The following EGFR variants were observed in gnomAD, a reference collection of about 807,000 sequenced individuals.
EGFR encodes avian erythroblastic leukemia viral (v-erb-b) oncogene homolog.
In EGFR, 58 loss-of-function variants were observed where a neutral mutation model predicts 143.0. That is an observed-to-expected ratio of 0.41 (90% confidence interval 0.33 to 0.50). The LOEUF (loss-of-function observed/expected upper bound fraction) is 0.50, where lower values mean the gene tolerates loss of function less well. EGFR is among the 20% of genes least tolerant of loss of function. EGFR has a pLI of 0.39. For synonymous variants in EGFR, 613 were observed against 594.4 expected (o/e 1.03, Z -0.45); for missense variants, 1,307 against 1,579.0 (o/e 0.83, Z 2.92).
intron 1 of EGFR, among the ~76,000 whole-genome samples, chr7:55,131,378 A>C (rs1793823306): frequency 6.6e-6 from 1 of 152,090 alleles, no homozygotes; most frequent in South Asian, 2.1e-4. Context: ...TGTTTCTATA[A>C]CTTGAAAAAA....
At chr7:55,022,194 T>G (rs1212937455) in intron 1 of EGFR, among the ~76,000 whole-genome samples, 4 of 151,988 alleles carry the variant, frequency 2.6e-5, no homozygotes, top group Non-Finnish European at 4.4e-5. Flanking sequence ...GCTTGAGGGG[T>G]GCTGAGCAAA....
chr7:55,171,316 C>A, intron 16 of EGFR, 103 bp downstream of exon 16: 1 of 1,520,470 alleles, frequency 6.6e-7, no homozygotes, highest in South Asian at 1.1e-5. Flanking sequence ...CTGTCCTGAT[C>A]AAGTTTCTAT....
intron 1 of EGFR, among the ~76,000 whole-genome samples, chr7:55,139,052 C>G (rs1297646597): frequency 6.6e-6 from 1 of 152,170 alleles, no homozygotes; most frequent in Non-Finnish European, 1.5e-5. Flanking sequence ...CTCTCATGAC[C>G]TAATTATAAT....
rs2128952697 is a variant in EGFR, at chr7:55,173,113, C to G, written c.2050C>G (p.Gln684Glu). 4 of 1,610,798 alleles carry G rather than the reference C, an allele frequency of 2.5e-6. No homozygotes were observed. Among genetic ancestry groups the G allele is most frequent in the Non-Finnish European group, 2.5e-6 (3 of 1,179,958 alleles). ...VRKRTLRRLLQERELVEPLTP... is the reference protein window; with the variant it reads ...VRKRTLRRLLEERELVEPLTP... ...GAAGCGCACGCTGCGGAGGCTGCTGCAGGAGAGGGAGGTGAGTGCCAGTCC... is the reference window on the plus strand; with the variant it reads ...GAAGCGCACGCTGCGGAGGCTGCTGGAGGAGAGGGAGGTGAGTGCCAGTCC... Residue 684 changes from glutamine to glutamate, a missense_variant, in exon 17 of 28, where the codon CAG becomes GAG. By Grantham distance (29) the Gln-to-Glu change is conservative. Transcript: ENST00000275493.
intron 1 of EGFR, among the ~76,000 whole-genome samples, chr7:55,117,315 G>C (rs1397054193): frequency 2.0e-5 from 3 of 152,158 alleles, no homozygotes; most frequent in African/African-American, 7.2e-5. Context: ...TTGAATGCAG[G>C]CAAGAAAAGA....
intron 1 of EGFR, among the ~76,000 whole-genome samples, chr7:55,033,465 C>G (rs1325766044): frequency 1.3e-5 from 2 of 152,162 alleles, no homozygotes; most frequent in Non-Finnish European, 2.9e-5. Flanking sequence ...CTGAGCAATG[C>G]CTGTGGGTGT....
At chr7:55,172,437 A>G (rs1013088665) in intron 16 of EGFR, among the ~76,000 whole-genome samples, 2 of 151,982 alleles carry the variant, frequency 1.3e-5, no homozygotes, top group Non-Finnish European at 2.9e-5. Flanking sequence ...TCTGAATCCT[A>G]TTCCTTTATA....
chr7:55,170,746 G>A, intron 15 of EGFR: 12 of 1,465,034 alleles, frequency 8.2e-6, no homozygotes, highest in Non-Finnish European at 1.1e-5. Context: ...TCAAAGCACA[G>A]AATTTGTCAG....
At chr7:55,101,658 G>A (rs1791835804) in intron 1 of EGFR, among the ~76,000 whole-genome samples, 1 of 152,210 alleles carries the variant, frequency 6.6e-6, no homozygotes, top group African/African-American at 2.4e-5. Context: ...TATGAAACAG[G>A]TTAGCCACAC....
intron 24 of EGFR, chr7:55,200,683 A>G (rs888538924): frequency 1.8e-6 from 1 of 552,106 alleles, no homozygotes. Flanking sequence ...CCAAAGCCTC[A>G]GCTGGGTCTA....
Position 55,205,355 on chromosome 7 carries a change from A to G in EGFR, c.3371A>G (p.His1124Arg), listed in dbSNP as rs1788066890. The G allele has an allele frequency of 1.9e-6, 3 of 1,613,124 alleles. No individual in the cohort carries two copies. The highest frequency in any genetic ancestry group is 1.1e-5 in the South Asian group (1 of 91,028). ...AACCCCGCGCCCAGCAGAGACCCAC[A>G]CTACCAGGACCCCCACAGCACTGCA... ...PLNPAPSRDP[H>R]YQDPHSTAVG... Residue 1124 changes from histidine to arginine, a missense_variant, in exon 28 of 28, where the codon CAC becomes CGC. Transcript: ENST00000275493.
intron 1 of EGFR, among the ~76,000 whole-genome samples, chr7:55,025,896 C>T (rs559688937): frequency 1.1e-4 from 16 of 152,156 alleles, no homozygotes; most frequent in Non-Finnish European, 2.2e-4. Context: ...TGCAAATACT[C>T]GGAATGGGGA....
At chr7:55,171,054 G>A (rs1786326286) in intron 15 of EGFR, 121 bp from the exon 16 acceptor site, 1 of 1,534,432 alleles carries the variant, frequency 6.5e-7, no homozygotes. Flanking sequence ...GACACATAGT[G>A]ATTTTAATTA....
intron 4 of EGFR, 116 bp from the exon 5 acceptor site, chr7:55,151,178 A>G (rs755350845): frequency 1.2e-5 from 12 of 1,037,852 alleles, no homozygotes; most frequent in Non-Finnish European, 1.5e-5. Flanking sequence ...CAATCAGAGA[A>G]TAAGTTGAAA....
intron 15 of EGFR, chr7:55,170,568 T>TC: frequency 6.2e-7 from 1 of 1,611,736 alleles, no homozygotes. Context: ...ACGTGTCTGT[T>TC]CCCCCCGCTT....
intron 22 of EGFR, among the ~76,000 whole-genome samples, chr7:55,196,944 A>C (rs1160540966): frequency 6.6e-6 from 1 of 152,138 alleles, no homozygotes; most frequent in East Asian, 1.9e-4. Flanking sequence ...AGGTAGCATC[A>C]TGCTTCCAGC....
At chr7:55,032,916 G>A (rs140170408) in intron 1 of EGFR, among the ~76,000 whole-genome samples, 73 of 152,252 alleles carry the variant, frequency 4.8e-4, no homozygotes, top group African/African-American at 1.6e-3. Context: ...GACTCACCAC[G>A]CTGGAAGTCA....
intron 1 of EGFR, among the ~76,000 whole-genome samples, chr7:55,056,643 G>A (rs1237772040): frequency 6.6e-6 from 1 of 152,156 alleles, no homozygotes. Context: ...TAGTCTATTT[G>A]TCTCTCAGTC....
intron 1 of EGFR, among the ~76,000 whole-genome samples, chr7:55,139,389 A>T (rs1584135653): frequency 6.6e-6 from 1 of 152,280 alleles, no homozygotes; most frequent in East Asian, 1.9e-4. Context: ...ATTGCTTTAT[A>T]TTTCTAACAT....
Sources: gnomAD v4.1 joint callset for allele counts (sites outside exome capture counted in the v4.1 genomes callset) on GRCh38, gnomAD v4.1.1 for gene constraint, MANE v1.5 for transcripts, NCBI Gene and HGNC (gene_info 2026-07-23, HGNC 2026-07-21) for gene names.